UBXN7: variants seen among roughly 807,000 people sequenced by gnomAD.
UBXN7 encodes UBX domain protein 7.
UBXN7 carries 9 observed loss-of-function variants against 58.0 expected under a neutral mutation model. The observed-to-expected ratio is 0.16, with a 90% CI of 0.09 to 0.27. UBXN7 has a LOEUF of 0.27. Ranked by LOEUF, UBXN7 falls within the 10% of genes least tolerant of loss-of-function variation. The probability of loss-of-function intolerance (pLI) is 1.00; values close to 1 mark genes in which losing one functional copy is unlikely to be tolerated. For missense variants in UBXN7, 328 were observed against 599.6 expected (o/e 0.55, Z 4.73); for synonymous variants, 208 against 205.0 (o/e 1.01, Z -0.12).
chr3:196,367,855 C>T (rs1463962555), intron 8 of UBXN7, among the ~76,000 whole-genome samples, 173 bp downstream of exon 8: 1 of 152,160 alleles, frequency 6.6e-6, no homozygotes, highest in Non-Finnish European at 1.5e-5. Context: ...GAAGATGGAA[C>T]TCTCATGTGG....
chr3:196,377,370 C>T (rs1029164594), intron 5 of UBXN7, among the ~76,000 whole-genome samples: 2 of 152,188 alleles, frequency 1.3e-5, no homozygotes, highest in Non-Finnish European at 2.9e-5. Context: ...ACCTCCCCAT[C>T]GTTCGCATTC....
chr3:196,416,478 T>C (rs1257008738), intron 1 of UBXN7, among the ~76,000 whole-genome samples: 1 of 152,092 alleles, frequency 6.6e-6, no homozygotes, highest in Non-Finnish European at 1.5e-5. Flanking sequence ...AAAATGCCAC[T>C]GCATACAAAT....
intron 8 of UBXN7, among the ~76,000 whole-genome samples, chr3:196,363,166 G>C (rs1217678763): frequency 2.0e-5 from 3 of 151,104 alleles, no homozygotes; most frequent in Admixed American, 6.6e-5. Flanking sequence ...GCCTCCCAAA[G>C]TGCTGGGATT....
At chr3:196,413,437 C>T (rs1254087429) in intron 1 of UBXN7, among the ~76,000 whole-genome samples, 1 of 152,072 alleles carries the variant, frequency 6.6e-6, no homozygotes. Flanking sequence ...TAGAGAAAAT[C>T]GCCTTTCATT....
At chr3:196,382,477 T>G (rs1187067217) in intron 5 of UBXN7, among the ~76,000 whole-genome samples, 2 of 152,072 alleles carry the variant, frequency 1.3e-5, no homozygotes, top group African/African-American at 4.8e-5. Flanking sequence ...TTACAAGAGC[T>G]CCTGAAGGAA....
intron 5 of UBXN7, among the ~76,000 whole-genome samples, chr3:196,382,004 C>G (rs893458798): frequency 1.2e-4 from 18 of 152,278 alleles, no homozygotes; most frequent in South Asian, 4.1e-4. Flanking sequence ...AAGACCAAAT[C>G]TACGTTTGAT....
At chr3:196,362,174 A>C in intron 9 of UBXN7, 120 bp downstream of exon 9, 1 of 1,337,708 alleles carries the variant, frequency 7.5e-7, no homozygotes, top group Non-Finnish European at 1.0e-6. Flanking sequence ...TTGTATTTTT[A>C]GTAGAGACAG....
intron 1 of UBXN7, among the ~76,000 whole-genome samples, chr3:196,419,317 T>TAAAC (rs1206892713): frequency 6.7e-6 from 1 of 149,714 alleles, no homozygotes; most frequent in African/African-American, 2.5e-5. Context: ...AATAAATAAA[T>TAAAC]AAATAAACAA....
At chr3:196,389,582 G>A (rs1021644559) in intron 5 of UBXN7, among the ~76,000 whole-genome samples, 2 of 152,214 alleles carry the variant, frequency 1.3e-5, no homozygotes, top group African/African-American at 4.8e-5. Context: ...CAGACCCCTA[G>A]TGAATGGCTT....
chr3:196,403,518 C>T, intron 2 of UBXN7, among the ~76,000 whole-genome samples: 1 of 152,048 alleles, frequency 6.6e-6, no homozygotes, highest in Non-Finnish European at 1.5e-5. Flanking sequence ...GAGTACCTGG[C>T]ATATATAGCT....
chr3:196,409,908 T>C (rs1730268726), intron 1 of UBXN7, among the ~76,000 whole-genome samples: 1 of 152,012 alleles, frequency 6.6e-6, no homozygotes, highest in Admixed American at 6.6e-5. Context: ...ATTTTTAGCC[T>C]GGTGCTAACC....
intron 5 of UBXN7, among the ~76,000 whole-genome samples, chr3:196,386,578 A>G (rs1336581571): frequency 6.6e-6 from 1 of 152,146 alleles, no homozygotes; most frequent in Non-Finnish European, 1.5e-5. Context: ...ATTAACAGAC[A>G]AAGAGCCAAA....
At position 196,348,581 on chromosome 3, in the gene UBXN7, A is replaced by G. The variant is rs1728137997; in HGVS notation, c.*8104T>C. 1 of 152,188 alleles carries G rather than the reference A, an allele frequency of 6.6e-6. No homozygotes were observed. The highest frequency in any genetic ancestry group is 1.5e-5 in the Non-Finnish European group (1 of 68,046). 9.4% of individuals were successfully genotyped at this position (152,188 alleles called of 1,614,324 possible). A position where few individuals can be genotyped will look rare whatever the true frequency, so the allele number is the denominator to read the frequency against. On this transcript the variant is annotated 3_prime_UTR_variant, in exon 11 of 11. Coordinates refer to ENST00000296328, the MANE Select transcript of UBXN7 (RefSeq NM_015562.2). ...CAAACATCCCAGGGAATCTCTAAAT[A>G]CTGTTAGGAACTGCTTTAGAAAACA...
intron 1 of UBXN7, among the ~76,000 whole-genome samples, chr3:196,411,480 GA>G (rs574017366): frequency 2.3e-3 from 353 of 152,312 alleles, no homozygotes; most frequent in Non-Finnish European, 4.1e-3. Context: ...ATGGATTTAA[GA>G]TAAATTTAAA....
intron 1 of UBXN7, among the ~76,000 whole-genome samples, chr3:196,408,160 A>AT (rs1196156985): frequency 1.3e-5 from 2 of 151,732 alleles, no homozygotes; most frequent in Non-Finnish European, 2.9e-5. Flanking sequence ...GAGATGGAAC[A>AT]TTTTTTGTCT....
chr3:196,421,942 T>C (rs1000118607), intron 1 of UBXN7, among the ~76,000 whole-genome samples: 1 of 152,154 alleles, frequency 6.6e-6, no homozygotes, highest in Non-Finnish European at 1.5e-5. Context: ...CTCACGCCTG[T>C]AATCCCAACA....
chr3:196,398,912 TGTTCGGATTACAGGTGTGAGTCACCAC>T (rs1180144015), intron 3 of UBXN7, among the ~76,000 whole-genome samples: 2 of 151,522 alleles, frequency 1.3e-5, no homozygotes, highest in African/African-American at 2.4e-5. Flanking sequence ...AATCCCAAAG[TGTTCGGATTACAGGTGTGAGTCACCAC>T]GTCCGGCCAA....
intron 5 of UBXN7, among the ~76,000 whole-genome samples, chr3:196,389,121 C>T (rs1418996439): frequency 6.6e-6 from 1 of 152,172 alleles, no homozygotes; most frequent in Admixed American, 6.6e-5. Context: ...CCTAGAGCAA[C>T]TCATAAGCTA....
chr3:196,382,929 C>G (rs113312205), intron 5 of UBXN7, among the ~76,000 whole-genome samples: 6 of 152,154 alleles, frequency 3.9e-5, no homozygotes, highest in African/African-American at 1.4e-4. Flanking sequence ...TCCTGGCTAA[C>G]ACGGTGAAAC....
Sources: gnomAD v4.1 joint callset for allele counts (sites outside exome capture counted in the v4.1 genomes callset) on GRCh38, gnomAD v4.1.1 for gene constraint, MANE v1.5 for transcripts, NCBI Gene and HGNC (gene_info 2026-07-23, HGNC 2026-07-21) for gene names.